Variants in PM20D2 observed in about 807,000 individuals in gnomAD.
The protein encoded by PM20D2 is xaa-Arg dipeptidase.
PM20D2 carries 33 observed loss-of-function variants against 42.9 expected under a neutral mutation model. The observed-to-expected ratio is 0.77, with a 90% CI of 0.58 to 1.03. PM20D2 has a LOEUF of 1.03. Ranked by LOEUF, PM20D2 falls within the 50% of genes least tolerant of loss-of-function variation. The probability of loss-of-function intolerance (pLI) is 0.00; values close to 1 mark genes in which losing one functional copy is unlikely to be tolerated. For missense variants in PM20D2, 548 were observed against 557.0 expected (o/e 0.98, Z 0.16); for synonymous variants, 250 against 228.2 (o/e 1.10, Z -0.86).
At chr6:89,139,098 T>C in the PM20D2 span, among the ~76,000 whole-genome samples, 3 of 150,860 alleles carry the variant, frequency 2.0e-5, no homozygotes, top group South Asian at 2.1e-4. Flanking sequence ...TAATCTTTGC[T>C]TTTTTTTTAG....
the PM20D2 span, among the ~76,000 whole-genome samples, chr6:89,109,324 C>T: frequency 8.5e-5 from 13 of 152,290 alleles, no homozygotes; most frequent in African/African-American, 3.1e-4. Flanking sequence ...GTGTCTTCAC[C>T]AGCATATCTC....
At chr6:89,117,711 G>A in the PM20D2 span, 3 of 1,096,110 alleles carry the variant, frequency 2.7e-6, no homozygotes, top group South Asian at 4.2e-5. Flanking sequence ...GGGCCCGCGG[G>A]GAGGCTCCGC....
At position 89,146,158 on chromosome 6, in the gene PM20D2, G is replaced by A; in HGVS notation, c.14G>A (p.Gly5Glu). The A allele has an allele frequency of 6.6e-7, 1 of 1,506,528 alleles. No individual in the cohort carries two copies. Among genetic ancestry groups the A allele is most frequent in the Non-Finnish European group, 8.8e-7 (1 of 1,134,792 alleles). 93.3% of individuals were successfully genotyped at this position (1,506,528 alleles called of 1,614,324 possible). Reference protein sequence around the residue: MRPGGERPVEGGACN... With the variant: MRPGEERPVEGGACN... ...GGCTTGGGCAGCATGAGGCCCGGAG[G>A]GGAGCGGCCCGTGGAAGGGGGCGCG... The change falls in exon 1 of 7, where the codon GGG (glycine) becomes GAG (glutamate). Residue 5 changes from glycine to glutamate, a missense_variant. Coordinates refer to ENST00000275072, the MANE Select transcript of PM20D2 (RefSeq NM_001010853.3).
the PM20D2 span, chr6:89,117,765 G>C: frequency 6.7e-7 from 1 of 1,488,270 alleles, no homozygotes; most frequent in Non-Finnish European, 9.0e-7. Flanking sequence ...GTGCTCCGCG[G>C]CGCGGCTGTT....
intron 5 of PM20D2, among the ~76,000 whole-genome samples, chr6:89,160,931 C>T (rs1771212800): frequency 6.6e-6 from 1 of 151,374 alleles, no homozygotes; most frequent in Non-Finnish European, 1.5e-5. Flanking sequence ...GCGGCTAGGG[C>T]ATCGAGAGTA....
chr6:89,126,224 G>A, the PM20D2 span, among the ~76,000 whole-genome samples: 2 of 152,024 alleles, frequency 1.3e-5, no homozygotes, highest in East Asian at 1.9e-4. Flanking sequence ...GTGAGACCCC[G>A]TCTCTACAAA....
the PM20D2 span, among the ~76,000 whole-genome samples, chr6:89,109,922 T>A: frequency 6.6e-6 from 1 of 152,186 alleles, no homozygotes; most frequent in East Asian, 1.9e-4. Context: ...AAACCCCATC[T>A]CTACTAAAAA....
the PM20D2 span, among the ~76,000 whole-genome samples, chr6:89,115,126 GTCTC>G: frequency 1.3e-5 from 2 of 150,104 alleles, no homozygotes; most frequent in East Asian, 2.0e-4. Context: ...CTCTCTAAAG[GTCTC>G]TCTGTCACCC....
Position 89,154,742 on chromosome 6 carries a change from T to C in PM20D2, c.758-6T>C. The stretch of plus-strand genomic sequence containing the variant: ...CTTAATTCTAGTAATTTGGTTCTTT[T>C]TATAGGTATAATAAAAAATGGTGGT... On this transcript the variant is annotated splice_region_variant and splice_polypyrimidine_tract_variant and intron_variant, in intron 3 of 6. Transcript: ENST00000275072. 6.6e-7 allele frequency: 1 copy of C among 1,505,120 alleles called. No individual in the cohort carries two copies. Among genetic ancestry groups the C allele is most frequent in the South Asian group, 1.3e-5 (1 of 75,604 alleles). 93.2% of individuals were successfully genotyped at this position (1,505,120 alleles called of 1,614,324 possible).
upstream of PM20D2, among the ~76,000 whole-genome samples, chr6:89,143,721 G>C (rs1770418088): frequency 6.6e-6 from 1 of 152,116 alleles, no homozygotes; most frequent in Non-Finnish European, 1.5e-5. Context: ...ACAAATGAAA[G>C]TAATAGTAAG....
intron 6 of PM20D2, 45 bp downstream of exon 6, chr6:89,161,935 TCTG>T: frequency 2.6e-6 from 4 of 1,527,762 alleles, no homozygotes; most frequent in Non-Finnish European, 3.6e-6. Context: ...ACACTCTTCT[TCTG>T]GTAGTAGCTG....
the PM20D2 span, chr6:89,098,462 C>T: frequency 7.6e-7 from 1 of 1,319,640 alleles, no homozygotes; most frequent in Non-Finnish European, 1.0e-6. Flanking sequence ...CTTCCATATG[C>T]CCAAAGTAAC....
chr6:89,094,527 GATAT>G, the PM20D2 span, among the ~76,000 whole-genome samples: 2 of 152,102 alleles, frequency 1.3e-5, no homozygotes, highest in Non-Finnish European at 2.9e-5. Flanking sequence ...ACCCAGCCTA[GATAT>G]TTTAATTTGT....
chr6:89,149,924 C>A (rs574769844), intron 2 of PM20D2, among the ~76,000 whole-genome samples: 1 of 152,300 alleles, frequency 6.6e-6, no homozygotes, highest in South Asian at 2.1e-4. Context: ...TTGTCTGGTG[C>A]TGAAACCTTT....
chr6:89,153,537 A>T (rs1582342595), intron 3 of PM20D2, among the ~76,000 whole-genome samples: 1 of 152,176 alleles, frequency 6.6e-6, no homozygotes, highest in African/African-American at 2.4e-5. Context: ...TTTGTCAATT[A>T]AAAAAAGGTA....
At chr6:89,101,526 A>C in the PM20D2 span, among the ~76,000 whole-genome samples, 4 of 152,076 alleles carry the variant, frequency 2.6e-5, no homozygotes, top group East Asian at 7.7e-4. Context: ...GTTCCAGACC[A>C]GCCTGGCCAA....
At chr6:89,101,605 G>A in the PM20D2 span, among the ~76,000 whole-genome samples, 1 of 151,898 alleles carries the variant, frequency 6.6e-6, no homozygotes, top group Non-Finnish European at 1.5e-5. Context: ...GGCTGAGGCA[G>A]GAGAATCGCT....
the PM20D2 span, chr6:89,105,697 A>C: frequency 2.3e-6 from 1 of 439,452 alleles, no homozygotes; most frequent in Non-Finnish European, 4.0e-6. Context: ...ACTTTTTCTC[A>C]TGAAAACAAA....
At chr6:89,136,291 A>ACTCTG in the PM20D2 span, among the ~76,000 whole-genome samples, 1 of 151,236 alleles carries the variant, frequency 6.6e-6, no homozygotes, top group East Asian at 1.9e-4. Context: ...TGTTCACTTA[A>ACTCTG]CTCTGCTAAT....
Sources: gnomAD v4.1 joint callset for allele counts (sites outside exome capture counted in the v4.1 genomes callset) on GRCh38, gnomAD v4.1.1 for gene constraint, MANE v1.5 for transcripts, NCBI Gene and HGNC (gene_info 2026-07-23, HGNC 2026-07-21) for gene names.